The following PAPPA2 variants were observed in gnomAD, a reference collection of about 807,000 sequenced individuals.
The protein encoded by PAPPA2 is pappalysin 2.
A neutral mutation model predicts 176.4 loss-of-function variants in PAPPA2; 86 were observed. That is an observed-to-expected ratio of 0.49 (90% CI 0.41 to 0.58). The LOEUF (loss-of-function observed/expected upper bound fraction) is 0.58, where lower values mean the gene tolerates loss of function less well. PAPPA2 is among the 20% of genes least tolerant of loss of function. The pLI is 0.00. For missense variants in PAPPA2, 2,073 were observed against 2,256.9 expected (o/e 0.92, Z 1.65); for synonymous variants, 809 against 852.2 (o/e 0.95, Z 0.88).
At chr1:176,528,658 C>G (rs79322841) in intron 1 of PAPPA2, among the ~76,000 whole-genome samples, 1 of 152,216 alleles carries the variant, frequency 6.6e-6, no homozygotes, top group Non-Finnish European at 1.5e-5. Flanking sequence ...GATTTACATA[C>G]GGCACCAATT....
At chr1:176,483,916 CAGTAAAT>C (rs1652527388) in intron 1 of PAPPA2, among the ~76,000 whole-genome samples, 1 of 152,184 alleles carries the variant, frequency 6.6e-6, no homozygotes, top group Non-Finnish European at 1.5e-5. Context: ...ACCTAGTCTT[CAGTAAAT>C]AGCAACTCTA....
Position 176,485,611 on chromosome 1 carries a change from A to G in PAPPA2, c.-917+22193A>G, listed in dbSNP as rs1652612216. On this transcript the variant is annotated intron_variant, in intron 1 of 22. Coordinates refer to ENST00000367662, the MANE Select transcript of PAPPA2 (RefSeq NM_020318.3). ...TGGCATTATATATATATAGTTTATT[A>G]TCTATTTCCTACCACCCTACTGAAA... Among the ~76,000 whole-genome samples, 3 of 152,176 alleles carry G rather than the reference A, an allele frequency of 2.0e-5. 1 individual carries two copies. The highest frequency in any genetic ancestry group is 7.2e-5 in the African/African-American group (3 of 41,454).
chr1:176,637,969 C>T (rs980727678), intron 3 of PAPPA2, among the ~76,000 whole-genome samples: 1 of 152,074 alleles, frequency 6.6e-6, no homozygotes, highest in Non-Finnish European at 1.5e-5. Flanking sequence ...AGTGGGACAA[C>T]TTGATAATTA....
At chr1:176,653,468 A>G (rs1007155942) in intron 3 of PAPPA2, among the ~76,000 whole-genome samples, 7 of 151,714 alleles carry the variant, frequency 4.6e-5, no homozygotes, top group Non-Finnish European at 1.0e-4. Flanking sequence ...CATCTCCTCA[A>G]CACTCCTATC....
intron 1 of PAPPA2, among the ~76,000 whole-genome samples, chr1:176,508,357 G>A (rs1047972601): frequency 6.6e-6 from 1 of 152,092 alleles, no homozygotes; most frequent in Non-Finnish European, 1.5e-5. Flanking sequence ...TTTAAAAACA[G>A]CTATTGTAAA....
chr1:176,790,600 T>TGGAGGTAA (rs1300350091), intron 18 of PAPPA2, among the ~76,000 whole-genome samples: 3 of 152,132 alleles, frequency 2.0e-5, no homozygotes, highest in African/African-American at 7.2e-5. Context: ...GTAAGCACCA[T>TGGAGGTAA]GGAACAGATG....
chr1:176,469,377 G>T (rs2102462497), intron 1 of PAPPA2, among the ~76,000 whole-genome samples: 1 of 152,174 alleles, frequency 6.6e-6, no homozygotes, highest in African/African-American at 2.4e-5. Context: ...TGGGTGGGGT[G>T]CCACTGAACA....
At chr1:176,467,129 C>G (rs1651662261) in intron 1 of PAPPA2, among the ~76,000 whole-genome samples, 1 of 152,138 alleles carries the variant, frequency 6.6e-6, no homozygotes, top group Non-Finnish European at 1.5e-5. Flanking sequence ...CCTACCGAGC[C>G]TACAAACCTG....
intron 4 of PAPPA2, among the ~76,000 whole-genome samples, chr1:176,682,841 T>C (rs1345579091): frequency 1.3e-5 from 2 of 152,214 alleles, no homozygotes; most frequent in Non-Finnish European, 2.9e-5. Context: ...GTGGACAGCA[T>C]GTTTTGAGGA....
rs190384726 is a variant in PAPPA2, at chr1:176,823,518, T to C, written c.5203-16655T>C. Among the ~76,000 whole-genome samples, 57 of 152,350 alleles carry C rather than the reference T, an allele frequency of 3.7e-4. 1 individual carries two copies. The highest frequency in any genetic ancestry group is 6.8e-3 in the Middle Eastern group (2 of 292). ...AATTAATCAAGGTAGGCTGTGGTCA[T>C]AAATTAACCCTAAAATTGCAGTGAT... On this transcript the variant is annotated intron_variant, in intron 21 of 22. Transcript: ENST00000367662.
intron 2 of PAPPA2, among the ~76,000 whole-genome samples, chr1:176,574,599 T>C (rs1289241336): frequency 6.6e-6 from 1 of 152,198 alleles, no homozygotes; most frequent in Non-Finnish European, 1.5e-5. Context: ...GGGGCAGACT[T>C]GTCCTGGGAG....
intron 17 of PAPPA2, among the ~76,000 whole-genome samples, chr1:176,776,810 T>C (rs2102920115): frequency 6.6e-6 from 1 of 151,476 alleles, no homozygotes; most frequent in East Asian, 1.9e-4. Context: ...ATACATTTTA[T>C]CCTTAACAAA....
intron 14 of PAPPA2, among the ~76,000 whole-genome samples, chr1:176,762,717 A>G (rs754276410): frequency 6.6e-6 from 1 of 152,210 alleles, no homozygotes; most frequent in Admixed American, 6.5e-5. Flanking sequence ...TAGCTTCCTT[A>G]TCAGATAGAT....
chr1:176,535,475 C>T (rs1650021889), intron 1 of PAPPA2, among the ~76,000 whole-genome samples: 1 of 152,184 alleles, frequency 6.6e-6, no homozygotes, highest in Non-Finnish European at 1.5e-5. Context: ...ATAACAGAGA[C>T]ATAATACACA....
Position 176,762,312 on chromosome 1 carries a change from C to T in PAPPA2, c.4152-3354C>T, listed in dbSNP as rs528198938. ...CCACTTTTCCCTCTCATATTCTCCC[C>T]TGTCTCATTCTTCCTCCCTTGCTTC... On this transcript the variant is annotated intron_variant, in intron 14 of 22. Coordinates refer to ENST00000367662, the MANE Select transcript of PAPPA2 (RefSeq NM_020318.3). Among the ~76,000 whole-genome samples, 290 of 151,574 alleles carry T rather than the reference C, an allele frequency of 1.9e-3. 1 individual carries two copies. Among genetic ancestry groups the T allele is most frequent in the Middle Eastern group, 6.8e-3 (2 of 292 alleles).
chr1:176,575,985 G>A (rs1462291879), intron 2 of PAPPA2, among the ~76,000 whole-genome samples: 1 of 152,070 alleles, frequency 6.6e-6, no homozygotes, highest in Non-Finnish European at 1.5e-5. Context: ...TTTAATGGTA[G>A]GGTAGTATTC....
chr1:176,623,792 TTTCTTTCTTTCTTTCTTCTTTCTTTCTTC>T (rs1655838481), intron 3 of PAPPA2, among the ~76,000 whole-genome samples: 1 of 120,772 alleles, frequency 8.3e-6, no homozygotes, highest in African/African-American at 3.1e-5. Context: ...TCTTTCTTTC[TTTCTTTCTTTCTTTCTTCTTTCTTTCTTC>T]TCTCTCTCTC....
intron 3 of PAPPA2, among the ~76,000 whole-genome samples, chr1:176,625,521 C>G (rs1655957555): frequency 1.3e-5 from 2 of 152,174 alleles, no homozygotes; most frequent in Admixed American, 6.5e-5. Flanking sequence ...AAAACACACT[C>G]TCTGTTGCAC....
chr1:176,621,008 C>T (rs1289133370), intron 3 of PAPPA2, among the ~76,000 whole-genome samples: 1 of 151,830 alleles, frequency 6.6e-6, no homozygotes, highest in Non-Finnish European at 1.5e-5. Context: ...AGAGAGGGAT[C>T]AAGAGAGAGG....
Sources: allele counts gnomAD v4.1 joint callset (sites outside exome capture counted in the v4.1 genomes callset), GRCh38; gene constraint gnomAD v4.1.1; transcripts MANE v1.5; gene names NCBI Gene and HGNC (gene_info 2026-07-23, HGNC 2026-07-21).